Variants in SLC8A1 observed in about 807,000 individuals in gnomAD.
SLC8A1 encodes the protein sodium/calcium exchanger 1.
Under a neutral mutation model 68.3 loss-of-function variants are expected in SLC8A1, and 18 were observed. That is an observed-to-expected ratio of 0.26 (90% CI 0.18 to 0.39). The LOEUF is 0.39. SLC8A1 is among the 10% of genes least tolerant of loss of function. The pLI, the probability that SLC8A1 is intolerant of heterozygous loss-of-function variation, is 1.00. For missense variants in SLC8A1, 985 were observed against 1,156.7 expected, an observed-to-expected ratio of 0.85 and a Z score of 2.15; for synonymous variants, 475 against 415.5, an observed-to-expected ratio of 1.14 and a Z score of -1.74.
chr2:40,249,337 G>T, intron 2 of SLC8A1, among the ~76,000 whole-genome samples: 1 of 151,954 alleles, frequency 6.6e-6, no homozygotes, highest in East Asian at 1.9e-4. Flanking sequence ...AGAGAACAGT[G>T]GTTGCAAAAC....
intron 2 of SLC8A1, among the ~76,000 whole-genome samples, chr2:40,297,613 G>A (rs1194953229): frequency 3.9e-5 from 6 of 152,126 alleles, no homozygotes; most frequent in African/African-American, 1.2e-4. Context: ...CTTATCTAAA[G>A]ACTTAACCTT....
chr2:40,409,813 T>A (rs971199010), intron 2 of SLC8A1, among the ~76,000 whole-genome samples: 3 of 152,164 alleles, frequency 2.0e-5, no homozygotes, highest in African/African-American at 7.2e-5. Flanking sequence ...AATGTAGTCA[T>A]TCATGTGTGG....
In SLC8A1 at chr2:40,428,423, C is replaced by CCACACACACA. The variant is rs3838567; in HGVS notation, c.1808+40_1808+49dup. ...GACTCACATTCATAAACACACTGAA[C>CCACACACACA]CACACACACACACACACACACACAC... On this transcript the variant is annotated intron_variant, in intron 2 of 7. Transcript: ENST00000406785. 5.5e-5 allele frequency: 76 copies of CCACACACACA among 1,394,214 alleles called. No individual in the cohort carries two copies. The African/African-American group carries it at 8.4e-4, about 15-fold the overall frequency. 86.4% of individuals were successfully genotyped at this position (1,394,214 alleles called of 1,614,324 possible).
exon 8 of SLC8A1, chr2:40,108,828 A>G (rs557423509): frequency 1.2e-4 from 19 of 152,274 alleles, no homozygotes; most frequent in African/African-American, 4.1e-4. Flanking sequence ...TGATCTTCAC[A>G]TTAGAGGGAG....
In SLC8A1 at chr2:40,174,730, A is replaced by G. The variant is rs1262124599; in HGVS notation, c.1930+95T>C. On this transcript the variant is annotated intron_variant, in intron 4 of 7. Coordinates refer to ENST00000406785, the Ensembl canonical transcript of SLC8A1. ...CCAAACAGGTATTTTCCTTCATTAA[A>G]AGCAAATAAAAATGAGAAATTTTTT... 1 of 1,551,820 alleles carries G rather than the reference A, an allele frequency of 6.4e-7. No homozygotes were observed. Among genetic ancestry groups the G allele is most frequent in the Admixed American group, 1.7e-5 (1 of 57,154 alleles).
intron 2 of SLC8A1, among the ~76,000 whole-genome samples, chr2:40,234,031 G>A (rs202104097): frequency 2.5e-3 from 388 of 152,274 alleles, no homozygotes; most frequent in African/African-American, 6.8e-3. Context: ...GTCAGGTAGC[G>A]TGATGCCTCC....
intron 2 of SLC8A1, among the ~76,000 whole-genome samples, chr2:40,428,145 A>G (rs568409786): frequency 3.9e-5 from 6 of 152,280 alleles, no homozygotes; most frequent in African/African-American, 1.4e-4. Context: ...AAAATAGAAG[A>G]CCAATTTCTC....
chr2:40,262,478 C>G (rs1293733440), intron 2 of SLC8A1, among the ~76,000 whole-genome samples: 3 of 152,140 alleles, frequency 2.0e-5, no homozygotes, highest in African/African-American at 7.2e-5. Flanking sequence ...GAAAATCCAG[C>G]AATATCTAAC....
At chr2:40,200,222 T>TATATATATATATAAATATA (rs1558722368) in intron 2 of SLC8A1, among the ~76,000 whole-genome samples, 1 of 5,176 alleles carries the variant, frequency 1.9e-4, no homozygotes, top group African/African-American at 4.7e-4. Flanking sequence ...ATATATATTT[T>TATATATATATATAAATATA]TTTATATATA....
chr2:40,430,276 T>C, exon 2 of SLC8A1: 2 of 1,605,454 alleles, frequency 1.2e-6, no homozygotes, highest in South Asian at 2.2e-5. Context: ...CCGCATGTTG[T>C]ACATGACACT....
chr2:40,394,546 A>T (rs1686316803), intron 2 of SLC8A1, among the ~76,000 whole-genome samples: 1 of 152,026 alleles, frequency 6.6e-6, no homozygotes, highest in Admixed American at 6.6e-5. Flanking sequence ...TCTGTTAGAC[A>T]TTTCGATAAG....
rs535771477 is a variant in SLC8A1 at position 40,448,521 on chromosome 2, G to A, written c.-25+3383C>T. 3.3e-5 allele frequency among the ~76,000 whole-genome samples: 5 copies of A among 152,240 alleles called. No individual in the cohort carries two copies. In the South Asian group the frequency reaches 1.0e-3, roughly 32 times the overall value. ...GAACAGAAATACCTTCGTTTAAAAA[G>A]AAAAGTGGAAACAGCTAGTACAGAA... On this transcript the variant is annotated intron_variant, in intron 1 of 7. Coordinates refer to ENST00000406785, the Ensembl canonical transcript of SLC8A1.
At chr2:40,490,827 G>A (rs765599209) in intron 1 of SLC8A1, among the ~76,000 whole-genome samples, 1 of 151,982 alleles carries the variant, frequency 6.6e-6, no homozygotes, top group African/African-American at 2.4e-5. Flanking sequence ...AAATCCAGTT[G>A]GAACATACGG....
intron 2 of SLC8A1, among the ~76,000 whole-genome samples, chr2:40,263,284 A>AT: frequency 6.6e-6 from 1 of 152,260 alleles, no homozygotes; most frequent in Non-Finnish European, 1.5e-5. Flanking sequence ...AATGCAGTGC[A>AT]TTTTTAGCAT....
intron 2 of SLC8A1, among the ~76,000 whole-genome samples, chr2:40,411,840 A>C (rs1322725084): frequency 6.6e-6 from 1 of 152,096 alleles, no homozygotes; most frequent in Non-Finnish European, 1.5e-5. Flanking sequence ...CTTGTCTTTT[A>C]AAAATTTCTT....
At chr2:40,183,115 C>T (rs1040252682) in intron 2 of SLC8A1, among the ~76,000 whole-genome samples, 26 of 151,958 alleles carry the variant, frequency 1.7e-4, no homozygotes, top group African/African-American at 6.0e-4. Flanking sequence ...AGAAGTAATT[C>T]CTACTACCTG....
Position 40,463,853 on chromosome 2 carries a change from C to T in SLC8A1, c.-24-33549G>A, listed in dbSNP as rs988725366. Among the ~76,000 whole-genome samples, 625 of 126,878 alleles carry T rather than the reference C, an allele frequency of 4.9e-3. 2 individuals are homozygous for T. The highest frequency in any genetic ancestry group is 0.019 in the East Asian group (62 of 3,320). 83.2% of individuals were successfully genotyped at this position (126,878 alleles called of 152,430 possible). On this transcript the variant is annotated intron_variant, in intron 1 of 7. Coordinates refer to the SLC8A1 transcript ENST00000402441. ...ACACACACACATACACACACACACACACACACACACACACACACACACACA... is the reference window on the plus strand; with the variant it reads ...ACACACACACATACACACACACACATACACACACACACACACACACACACA...
intron 2 of SLC8A1, among the ~76,000 whole-genome samples, chr2:40,226,007 A>C (rs2058930689): frequency 6.6e-6 from 1 of 151,832 alleles, no homozygotes. Context: ...GGTAAACAAT[A>C]CTCTTTTTTC....
intron 4 of SLC8A1, among the ~76,000 whole-genome samples, chr2:40,168,661 T>A (rs1175420031): frequency 6.6e-6 from 1 of 152,228 alleles, no homozygotes; most frequent in Non-Finnish European, 1.5e-5. Flanking sequence ...ATTTTAATCA[T>A]CTATTTTGTT....
Sources: gnomAD v4.1 joint callset for allele counts (sites outside exome capture counted in the v4.1 genomes callset) on GRCh38, gnomAD v4.1.1 for gene constraint, MANE v1.5 for transcripts, NCBI Gene and HGNC (gene_info 2026-07-23, HGNC 2026-07-21) for gene names.